PPEF1: variants seen among roughly 807,000 people sequenced by gnomAD.
PPEF1 encodes the protein serine/threonine-protein phosphatase with EF-hands 1.
Under a neutral mutation model 53.3 loss-of-function variants are expected in PPEF1, and 12 were observed. The observed-to-expected ratio is 0.23, with a 90% CI of 0.14 to 0.36. The LOEUF is 0.36. Among genes scored for constraint, PPEF1 ranks in the 10% least tolerant of loss-of-function variants. The probability of loss-of-function intolerance (pLI) is 1.00; values close to 1 mark genes in which losing one functional copy is unlikely to be tolerated. For missense variants in PPEF1, 334 were observed against 490.4 expected (o/e 0.68, Z 3.01); for synonymous variants, 165 against 176.7 (o/e 0.93, Z 0.52).
intron 1 of PPEF1, among the ~76,000 whole-genome samples, chrX:18,713,506 T>C (rs1385859508): frequency 9.5e-6 from 1 of 105,368 alleles, no homozygotes; most frequent in East Asian, 3.1e-4. Context: ...AAGAGCCATT[T>C]AAAATTCTTT....
rs1409842705 is a variant in PPEF1 at position 18,813,399 on chromosome X, C to A, written c.1395-4640C>A. On this transcript the variant is annotated intron_variant, in intron 12 of 15. Coordinates refer to ENST00000470157, the MANE Select transcript of PPEF1 (RefSeq NM_001377996.1). ...GTCTCAAAAAAAAAAAAAAAAAAAACAATTGATTTTTGGATATTGATCTTG... is the reference window on the plus strand; with the variant it reads ...GTCTCAAAAAAAAAAAAAAAAAAAAAAATTGATTTTTGGATATTGATCTTG... Among the ~76,000 whole-genome samples, 393 of 92,900 alleles carry A rather than the reference C, an allele frequency of 4.2e-3. 2 individuals carry two copies. Among genetic ancestry groups the A allele is most frequent in the African/African-American group, 0.012 (292 of 24,558 alleles). 80.7% of individuals were successfully genotyped at this position (92,900 alleles called of 115,157 possible).
chrX:18,783,865 G>GA (rs2046146496), intron 8 of PPEF1, 34 bp from the exon 9 acceptor site: 2 of 1,187,574 alleles, frequency 1.7e-6, no homozygotes, highest in Non-Finnish European at 2.3e-6. Context: ...GAACCTGTCA[G>GA]AAAAACAAAA....
intron 12 of PPEF1, among the ~76,000 whole-genome samples, chrX:18,807,982 T>TG (rs2147703009): frequency 9.8e-6 from 1 of 101,813 alleles, no homozygotes; most frequent in Admixed American, 1.1e-4. Context: ...TTTTTTTTTT[T>TG]TTTGAGACGG....
exon 1 of PPEF1, chrX:18,675,957 G>C (rs1400211496): frequency 3.6e-5 from 1 of 27,834 alleles, no homozygotes; most frequent in Non-Finnish European, 7.0e-5. Context: ...TCATTTGGGC[G>C]GGGGGGGGGG....
intron 6 of PPEF1, among the ~76,000 whole-genome samples, chrX:18,770,105 A>G (rs964182090): frequency 1.8e-5 from 2 of 111,572 alleles, no homozygotes; most frequent in African/African-American, 6.5e-5. Context: ...TAGCTGCAGA[A>G]TGAGCCAGAG....
At chrX:18,774,937 T>C (rs1195781561) in intron 6 of PPEF1, among the ~76,000 whole-genome samples, 1 of 111,584 alleles carries the variant, frequency 9.0e-6, no homozygotes, top group African/African-American at 3.3e-5. Context: ...AAGCTTCAAA[T>C]TGAAGTCTTT....
At chrX:18,767,106 T>TA (rs766129242) in intron 6 of PPEF1, among the ~76,000 whole-genome samples, 35 of 111,332 alleles carry the variant, frequency 3.1e-4, no homozygotes, top group East Asian at 2.8e-3. Context: ...AAAAATGAGA[T>TA]AAAAACTGAA....
At chrX:18,744,171 G>A (rs891435950) in intron 3 of PPEF1, among the ~76,000 whole-genome samples, 4 of 112,095 alleles carry the variant, frequency 3.6e-5, no homozygotes, top group Non-Finnish European at 3.8e-5. Context: ...GATTACAGGC[G>A]TGAGCCATTG....
chrX:18,817,863 GCACACA>G (rs1037264546), intron 12 of PPEF1, among the ~76,000 whole-genome samples, 170 bp from the exon 13 acceptor site: 5 of 110,453 alleles, frequency 4.5e-5, no homozygotes, highest in Non-Finnish European at 7.6e-5. Context: ...ATGTGTGCAT[GCACACA>G]CACATACACA....
chrX:18,810,871 T>C (rs2046791377), intron 12 of PPEF1, among the ~76,000 whole-genome samples: 1 of 112,153 alleles, frequency 8.9e-6, no homozygotes, highest in Non-Finnish European at 1.9e-5. Flanking sequence ...ACATGTTTCA[T>C]TTCTCTTGAG....
At chrX:18,690,166 G>T (rs768767915) in intron 3 of PPEF1, among the ~76,000 whole-genome samples, 1 of 111,206 alleles carries the variant, frequency 9.0e-6, no homozygotes, top group East Asian at 2.8e-4. Context: ...GTGTAGAACA[G>T]TACCCGGCAC....
At chrX:18,708,789 T>G (rs1454755661) in intron 1 of PPEF1, among the ~76,000 whole-genome samples, 8 of 112,261 alleles carry the variant, frequency 7.1e-5, no homozygotes, top group African/African-American at 2.6e-4. Context: ...ATAGGAGGTG[T>G]ACTGACTCTT....
rs1338559914 is a variant in PPEF1, at chrX:18,825,674, CTGTT to C, written c.1666-72_1666-69del. ...TCATTTCAATTGTTGATGATGTTTT[CTGTT>C]TGTTACATTTGCTAAAAGCGATCAG... On this transcript the variant is annotated intron_variant, in intron 14 of 15. Transcript: ENST00000470157. 11 of 604,715 alleles carry C rather than the reference CTGTT, an allele frequency of 1.8e-5. No homozygotes were observed. The Admixed American group carries it at 4.0e-4, about 22-fold the overall frequency. 49.8% of individuals were successfully genotyped at this position (604,715 alleles called of 1,213,427 possible).
At chrX:18,774,904 A>G (rs2045935811) in intron 6 of PPEF1, among the ~76,000 whole-genome samples, 1 of 111,580 alleles carries the variant, frequency 9.0e-6, no homozygotes, top group South Asian at 3.7e-4. Context: ...GTCCCCATCA[A>G]TTGTGTGTAG....
chrX:18,803,846 T>C (rs1018247055), intron 10 of PPEF1, 46 bp from the exon 11 acceptor site: 13 of 1,065,376 alleles, frequency 1.2e-5, no homozygotes, highest in Non-Finnish European at 1.5e-5. Flanking sequence ...TAGAAAGATA[T>C]ACTCTCACTT....
intron 1 of PPEF1, among the ~76,000 whole-genome samples, chrX:18,720,235 GGAGA>G (rs35441137): frequency 9.4e-6 from 1 of 106,606 alleles, no homozygotes; most frequent in African/African-American, 3.4e-5. Context: ...GATGGTATAT[GGAGA>G]GAGAGAGAGA....
chrX:18,717,494 C>T (rs754364691), intron 1 of PPEF1, among the ~76,000 whole-genome samples: 4 of 110,259 alleles, frequency 3.6e-5, no homozygotes, highest in South Asian at 3.9e-4. Flanking sequence ...CCTTCAAGCT[C>T]GCTCCTTAGG....
intron 8 of PPEF1, among the ~76,000 whole-genome samples, 167 bp from the exon 9 acceptor site, chrX:18,783,732 C>G (rs1021818266): frequency 1.8e-5 from 2 of 110,001 alleles, no homozygotes; most frequent in East Asian, 5.6e-4. Flanking sequence ...AAAACAAAAA[C>G]AAAAACAGAA....
Position 18,789,164 on chromosome X carries a change from A to G in PPEF1, c.956A>G (p.His319Arg). ...CCACCAACGGAAACAAACAGAGACC[A>G]TGACACTGACTCGAAGCACAATAAA... ...LIPPTETNRD[H>R]DTDSKHNKVG... Residue 319 changes from histidine to arginine, a missense_variant, in exon 10 of 16, where the codon CAT (histidine) becomes CGT (arginine). Coordinates refer to ENST00000470157, the MANE Select transcript of PPEF1 (RefSeq NM_001377996.1). 2 of 1,211,778 alleles carry G rather than the reference A, an allele frequency of 1.7e-6. No individual in the cohort carries two copies. Among genetic ancestry groups the G allele is most frequent in the Non-Finnish European group, 1.1e-6 (1 of 895,179 alleles).
Sources: gnomAD v4.1 joint callset for allele counts (sites outside exome capture counted in the v4.1 genomes callset) on GRCh38, gnomAD v4.1.1 for gene constraint, MANE v1.5 for transcripts, NCBI Gene and HGNC (gene_info 2026-07-23, HGNC 2026-07-21) for gene names.